The following LIPI variants were observed in gnomAD, a reference collection of about 807,000 sequenced individuals.
LIPI encodes lipase member I.
In LIPI, 59 loss-of-function variants were observed where a neutral mutation model predicts 50.6. The observed-to-expected ratio is 1.16, with a 90% CI of 0.94 to 1.45. The LOEUF (loss-of-function observed/expected upper bound fraction) is 1.45. LIPI is among the 40% of genes most tolerant of loss of function. LIPI has a pLI of 0.00. For synonymous variants in LIPI, 203 were observed against 178.2 expected, an observed-to-expected ratio of 1.14 and a Z score of -1.11; for missense variants, 586 against 536.3, an observed-to-expected ratio of 1.09 and a Z score of -0.92.
Position 14,183,802 on chromosome 21 carries a change from C to T in LIPI, c.542-1943G>A, listed in dbSNP as rs970545875. Among the ~76,000 whole-genome samples the T allele has an allele frequency of 1.0e-3, 157 of 152,126 alleles. 1 individual carries two copies. The highest frequency in any genetic ancestry group is 6.2e-4 in the Non-Finnish European group (42 of 68,000). On this transcript the variant is annotated intron_variant, in intron 3 of 9. Transcript: ENST00000681601. ...TACCATCTCACACCAGTTAGAATGG[C>T]GATCATTAAAAAGTCAGGAAACAAT...
intron 9 of LIPI, among the ~76,000 whole-genome samples, chr21:14,139,031 G>A (rs963539058): frequency 6.6e-5 from 10 of 152,052 alleles, no homozygotes; most frequent in African/African-American, 2.2e-4. Context: ...ACTGAAATTC[G>A]AACCAGGATA....
chr21:14,198,067 G>T (rs1568883680), intron 1 of LIPI, among the ~76,000 whole-genome samples: 1 of 152,140 alleles, frequency 6.6e-6, no homozygotes, highest in South Asian at 2.1e-4. Flanking sequence ...GACAAGCAAA[G>T]GCTGAGGGAA....
intron 9 of LIPI, among the ~76,000 whole-genome samples, chr21:14,133,700 G>C (rs896197053): frequency 6.6e-6 from 1 of 152,126 alleles, no homozygotes; most frequent in African/African-American, 2.4e-5. Context: ...TCTGTTTGCT[G>C]ATGATATATG....
At chr21:14,194,643 G>A (rs1328786658) in intron 1 of LIPI, among the ~76,000 whole-genome samples, 9 of 150,794 alleles carry the variant, frequency 6.0e-5, no homozygotes, top group Non-Finnish European at 8.9e-5. Context: ...TGGGCTGAGG[G>A]AAAAGGGGAA....
intron 5 of LIPI, among the ~76,000 whole-genome samples, 153 bp from the exon 6 acceptor site, chr21:14,165,543 C>A (rs1255542215): frequency 1.3e-5 from 2 of 152,096 alleles, no homozygotes; most frequent in Non-Finnish European, 2.9e-5. Flanking sequence ...AACCACTAAA[C>A]AAATAGTACC....
At chr21:14,110,456 A>C (rs2016358432) in intron 9 of LIPI, among the ~76,000 whole-genome samples, 1 of 152,000 alleles carries the variant, frequency 6.6e-6, no homozygotes, top group Non-Finnish European at 1.5e-5. Context: ...TAAAATACAC[A>C]TTACCTCATA....
intron 7 of LIPI, among the ~76,000 whole-genome samples, chr21:14,153,360 G>A (rs1278527558): frequency 6.6e-6 from 1 of 152,076 alleles, no homozygotes; most frequent in African/African-American, 2.4e-5. Context: ...TGACACAAGA[G>A]GTATAAGGAA....
intron 4 of LIPI, among the ~76,000 whole-genome samples, chr21:14,176,381 A>C (rs1311668875): frequency 1.3e-5 from 2 of 151,950 alleles, no homozygotes; most frequent in Non-Finnish European, 2.9e-5. Context: ...ATTTTTCAAA[A>C]TAGATGCTTA....
chr21:14,108,953 A>G lies in LIPI; in HGVS notation c.*40T>C. On this transcript the variant is annotated 3_prime_UTR_variant, in exon 10 of 10. Coordinates refer to ENST00000681601, the MANE Select transcript of LIPI (RefSeq NM_001302998.2). ...ATTGCATTGTTTCATTTACAAGTCCATTAATTCACAAGCAAGTGCATTTGA... is the reference window on the plus strand; with the variant it reads ...ATTGCATTGTTTCATTTACAAGTCCGTTAATTCACAAGCAAGTGCATTTGA... 2 of 1,609,216 alleles carry G rather than the reference A, an allele frequency of 1.2e-6. No homozygotes were observed. Among genetic ancestry groups the G allele is most frequent in the South Asian group, 1.1e-5 (1 of 90,972 alleles).
intron 9 of LIPI, among the ~76,000 whole-genome samples, chr21:14,113,131 C>G (rs1377259736): frequency 6.6e-6 from 1 of 152,180 alleles, no homozygotes; most frequent in South Asian, 2.1e-4. Flanking sequence ...AATTTAAGAG[C>G]ATTTGTAGGA....
In LIPI at chr21:14,166,418, T is replaced by C. The variant is rs2018686876; in HGVS notation, c.677A>G (p.Asp226Gly). 1.2e-6 allele frequency: 2 copies of C among 1,610,192 alleles called. No homozygotes were observed. Among genetic ancestry groups the C allele is most frequent in the Non-Finnish European group, 1.7e-6 (2 of 1,176,652 alleles). ...LGIQEPLGHI[D>G]FYPNGGNKQP... ...TTTATTTCCTCCATTTGGATAAAAATCTATATGTCCCAAGGGCTCTTGAAT... is the reference window on the plus strand; with the variant it reads ...TTTATTTCCTCCATTTGGATAAAAACCTATATGTCCCAAGGGCTCTTGAAT... The change falls in exon 5 of 10, where the codon GAT (aspartate) becomes GGT (glycine). Residue 226 changes from aspartate (D) to glycine (G), a missense_variant. Transcript: ENST00000681601.
intron 9 of LIPI, among the ~76,000 whole-genome samples, chr21:14,115,502 G>A (rs750047714): frequency 2.6e-4 from 40 of 152,030 alleles, no homozygotes; most frequent in Non-Finnish European, 5.4e-4. Context: ...AACTCTGTTC[G>A]ATCTCTCTTA....
chr21:14,170,814 G>T (rs934528990), intron 4 of LIPI, among the ~76,000 whole-genome samples: 12 of 151,506 alleles, frequency 7.9e-5, no homozygotes, highest in African/African-American at 2.7e-4. Context: ...CAAGACAGGG[G>T]TGCCCTCTCT....
intron 4 of LIPI, among the ~76,000 whole-genome samples, chr21:14,181,141 T>C (rs775557748): frequency 6.6e-6 from 1 of 152,140 alleles, no homozygotes; most frequent in Non-Finnish European, 1.5e-5. Flanking sequence ...CACTGCCTAA[T>C]GTATAGGAAG....
intron 9 of LIPI, among the ~76,000 whole-genome samples, chr21:14,109,742 T>C (rs2016329003): frequency 6.6e-6 from 1 of 152,030 alleles, no homozygotes; most frequent in Non-Finnish European, 1.5e-5. Context: ...GCAAATATCC[T>C]ATATTTTACA....
At chr21:14,111,853 G>GT (rs35033223) in intron 9 of LIPI, among the ~76,000 whole-genome samples, 1 of 151,584 alleles carries the variant, frequency 6.6e-6, no homozygotes, top group Admixed American at 6.6e-5. Flanking sequence ...ATTTTGTTTT[G>GT]TTTTTTTAAA....
intron 9 of LIPI, among the ~76,000 whole-genome samples, chr21:14,123,397 A>G (rs1203425579): frequency 6.6e-6 from 1 of 152,212 alleles, no homozygotes; most frequent in Non-Finnish European, 1.5e-5. Context: ...CATCAGGACT[A>G]TATTGGATCT....
chr21:14,174,478 C>T (rs1472461754), intron 4 of LIPI, among the ~76,000 whole-genome samples: 2 of 152,134 alleles, frequency 1.3e-5, no homozygotes, highest in African/African-American at 4.8e-5. Context: ...TACCCAGCCA[C>T]AAGTGTCTCT....
intron 9 of LIPI, among the ~76,000 whole-genome samples, chr21:14,130,439 C>T (rs1022451972): frequency 1.3e-5 from 2 of 152,136 alleles, no homozygotes; most frequent in South Asian, 2.1e-4. Context: ...ACCACCACCT[C>T]GCCAAGGAAG....
Sources: allele counts gnomAD v4.1 joint callset (sites outside exome capture counted in the v4.1 genomes callset), GRCh38; gene constraint gnomAD v4.1.1; transcripts MANE v1.5; gene names NCBI Gene and HGNC (gene_info 2026-07-23, HGNC 2026-07-21).